DDX55: variants seen among roughly 807,000 people sequenced by gnomAD.
DDX55 encodes the protein ATP-dependent RNA helicase DDX55.
A neutral mutation model predicts 69.2 loss-of-function variants in DDX55; 56 were observed. The ratio of observed to expected loss-of-function variants is 0.81; its 90% confidence interval spans 0.65 to 1.01. The LOEUF is 1.01. DDX55 is among the 50% of genes least tolerant of loss of function. The pLI, the probability that DDX55 is intolerant of heterozygous loss-of-function variation, is 0.00. For synonymous variants in DDX55, 268 were observed against 273.1 expected (o/e 0.98, Z 0.18); for missense variants, 720 against 745.1 (o/e 0.97, Z 0.39).
At chr12:123,618,383 C>T (rs1431256886) in intron 11 of DDX55, 3 of 771,644 alleles carry the variant, frequency 3.9e-6, no homozygotes, top group East Asian at 7.1e-5. Flanking sequence ...TGGTAGCATG[C>T]CCTGCTGGGA....
Position 123,607,676 on chromosome 12 carries a change from T to C in DDX55, c.401+14T>C, listed in dbSNP as rs1215681455. ...TAAGCAACAAGGGTGAGTTTGCTCG[T>C]GTCTGCTTGTTTCTTTGCTTGCTTT... is the stretch of plus-strand genomic sequence containing the variant. On this transcript the variant is annotated intron_variant, in intron 5 of 13. Coordinates refer to ENST00000238146, the MANE Select transcript of DDX55 (RefSeq NM_020936.3). 6.2e-7 allele frequency: 1 copy of C among 1,614,132 alleles called. No individual in the cohort carries two copies. The highest frequency in any genetic ancestry group is 1.7e-5 in the Admixed American group (1 of 59,994).
At chr12:123,605,320 G>A in intron 1 of DDX55, 1 of 163,880 alleles carries the variant, frequency 6.1e-6, no homozygotes, top group Non-Finnish European at 1.4e-5. Context: ...ACCACGCCTG[G>A]CCCACCCTGG....
At chr12:123,615,450 A>C in intron 9 of DDX55, 134 bp downstream of exon 9, 2 of 1,286,738 alleles carry the variant, frequency 1.6e-6, no homozygotes. Flanking sequence ...TCCCTCTCTA[A>C]TCTGGTTATC....
At position 123,615,291 on chromosome 12, in the gene DDX55, T is replaced by A; in HGVS notation, c.931T>A (p.Phe311Ile). The A allele has an allele frequency of 6.2e-7, 1 of 1,613,990 alleles. No homozygotes were observed. Residue 311 changes from phenylalanine to isoleucine, a missense_variant, in exon 9 of 14, where the codon TTC (phenylalanine) becomes ATC (isoleucine). Coordinates refer to ENST00000238146, the MANE Select transcript of DDX55 (RefSeq NM_020936.3). ...GATGAAATATAAACGCAATAAGATC[T>A]TCATGGAGTTCCGCAAATTGCAAAG... ...GKMKYKRNKI[F>I]MEFRKLQSGI... is the part of the protein sequence containing the mutation.
intron 7 of DDX55, among the ~76,000 whole-genome samples, chr12:123,610,970 G>A (rs576160358): frequency 2.7e-5 from 4 of 150,504 alleles, no homozygotes; most frequent in Non-Finnish European, 4.4e-5. Context: ...GCACGATCTC[G>A]GCTCACTGCA....
In DDX55 at chr12:123,619,672, A is replaced by G; in HGVS notation, c.1574A>G (p.Lys525Arg). ...FIKNKAWSKQKAKKEKKKKMN... is the reference protein window; with the variant it reads ...FIKNKAWSKQRAKKEKKKKMN... Reference sequence around the variant, plus strand: ...AAAAATAAAGCTTGGTCAAAGCAGAAGGCCAAAAAAGAAAAGAAGAAAAAA... The same window carrying G: ...AAAAATAAAGCTTGGTCAAAGCAGAGGGCCAAAAAAGAAAAGAAGAAAAAA... Residue 525 changes from lysine (K) to arginine (R), a missense_variant, in exon 13 of 14, where the codon AAG becomes AGG. Physicochemically the swap from Lys to Arg is conservative, Grantham distance 26. Transcript: ENST00000238146. The G allele has an allele frequency of 6.3e-7, 1 of 1,583,640 alleles. No homozygotes were observed. The highest frequency in any genetic ancestry group is 1.2e-5 in the South Asian group (1 of 84,136).
Position 123,618,677 on chromosome 12 carries a change from G to C in DDX55, c.1173G>C (p.Leu391=). 6.2e-7 allele frequency: 1 copy of C among 1,613,924 alleles called. No individual in the cohort carries two copies. Among genetic ancestry groups the C allele is most frequent in the East Asian group, 2.2e-5 (1 of 44,870 alleles). Residue 391 remains leucine, a synonymous_variant, in exon 12 of 14, where the codon CTG becomes CTC. Coordinates refer to ENST00000238146, the MANE Select transcript of DDX55 (RefSeq NM_020936.3). ...NFLAINQKCP[L]QEMKPQRNTA... Reference sequence around the variant, plus strand: ...TATGTGTGTGTGTGTAGTGCCCCCTGCAGGAGATGAAGCCCCAGAGAAACA... The same window carrying C: ...TATGTGTGTGTGTGTAGTGCCCCCTCCAGGAGATGAAGCCCCAGAGAAACA...
chr12:123,619,875 A>G (rs1955015906), intron 13 of DDX55, 89 bp from the exon 14 acceptor site: 2 of 1,528,110 alleles, frequency 1.3e-6, no homozygotes, highest in Admixed American at 4.4e-5. Context: ...CCAATCTGAG[A>G]GCTTATAGTT....
chr12:123,602,363 C>T (rs1279940249), intron 1 of DDX55, 107 bp downstream of exon 1: 1 of 1,062,708 alleles, frequency 9.4e-7, no homozygotes, highest in East Asian at 3.0e-5. Flanking sequence ...GGGCGCTCAT[C>T]CCTCCAGCTG....
At chr12:123,617,408 G>A (rs563760604) in intron 10 of DDX55, among the ~76,000 whole-genome samples, 6 of 152,178 alleles carry the variant, frequency 3.9e-5, no homozygotes, top group African/African-American at 1.2e-4. Flanking sequence ...ACCCCCAAGT[G>A]TTGATGATTA....
In DDX55 at chr12:123,617,766, T is replaced by C; in HGVS notation, c.1058T>C (p.Val353Ala). 6.2e-7 allele frequency: 1 copy of C among 1,612,148 alleles called. No individual in the cohort carries two copies. Among genetic ancestry groups the C allele is most frequent in the South Asian group, 1.1e-5 (1 of 90,946 alleles). ...ACCCTGTGTTCTCACAGTGCCTTCG[T>C]GCATCGCTGCGGTCGCACAGCTCGC... ...YDPPSNASAF[V>A]HRCGRTARIG... is the part of the protein sequence containing the mutation. Residue 353 changes from valine (V) to alanine (A), a missense_variant, in exon 11 of 14, where the codon GTG becomes GCG. By Grantham distance (64) the Val-to-Ala change is moderately conservative. Coordinates refer to ENST00000238146, the MANE Select transcript of DDX55 (RefSeq NM_020936.3).
chr12:123,615,842 C>T (rs572528946), intron 9 of DDX55, among the ~76,000 whole-genome samples: 20 of 152,252 alleles, frequency 1.3e-4, no homozygotes, highest in African/African-American at 4.3e-4. Context: ...ATTAGTCGGG[C>T]ATGGTGGCTG....
chr12:123,615,438 C>G, intron 9 of DDX55, 122 bp downstream of exon 9: 1 of 1,370,822 alleles, frequency 7.3e-7, no homozygotes, highest in Non-Finnish European at 9.9e-7. Flanking sequence ...CTGGAACCCT[C>G]TTCCCTCTCT....
chr12:123,609,950 T>C lies in DDX55; in HGVS notation c.563T>C (p.Ile188Thr). The C allele has an allele frequency of 1.2e-6, 2 of 1,613,726 alleles. No individual in the cohort carries two copies. Among genetic ancestry groups the C allele is most frequent in the South Asian group, 1.1e-5 (1 of 91,030 alleles). ...DMGFEASINT[I>T]LEFLPKQRRT... ...CCTCTTTTTATCAGCATCAACACCA[T>C]TCTGGAGTTTTTGCCAAAGCAGAGG... The change falls in exon 7 of 14, where the codon ATT becomes ACT. Residue 188 changes from isoleucine to threonine, a missense_variant. By Grantham distance (89) the Ile-to-Thr change is moderately conservative (BLOSUM62 -1). Transcript: ENST00000238146.
At chr12:123,608,968 T>G (rs1456727521) in intron 6 of DDX55, 139 bp downstream of exon 6, 1 of 899,722 alleles carries the variant, frequency 1.1e-6, no homozygotes, top group Non-Finnish European at 1.5e-6. Flanking sequence ...TTTATTTGTT[T>G]ATTAGAGACA....
intron 11 of DDX55, 99 bp from the exon 12 acceptor site, chr12:123,618,570 G>C: frequency 6.4e-7 from 1 of 1,552,700 alleles, no homozygotes; most frequent in Non-Finnish European, 8.7e-7. Context: ...CAGTTGAAAA[G>C]GAATTGTTTC....
chr12:123,608,547 A>T, intron 5 of DDX55, 133 bp from the exon 6 acceptor site: 1 of 1,065,694 alleles, frequency 9.4e-7, no homozygotes, highest in Non-Finnish European at 1.4e-6. Context: ...GCACTCTTCT[A>T]CTCTCATGCT....
chr12:123,602,185 C>T lies in DDX55; in HGVS notation c.37C>T (p.Pro13Ser). The T allele has an allele frequency of 1.9e-6, 3 of 1,568,900 alleles. No individual in the cohort carries two copies. The highest frequency in any genetic ancestry group is 2.6e-6 in the Non-Finnish European group (3 of 1,159,106). ...HVTEGSWESL[P>S]VPLHPQVLGA... ...GACAGAGGGCTCCTGGGAGTCGCTG[C>T]CTGTGCCGCTGCACCCGCAGGTGCT... Residue 13 changes from proline (P) to serine (S), a missense_variant, in exon 1 of 14, where the codon CCT becomes TCT. By Grantham distance (74) the Pro-to-Ser change is moderately conservative (BLOSUM62 -1). Transcript: ENST00000238146.
intron 1 of DDX55, 60 bp downstream of exon 1, chr12:123,602,316 G>C: frequency 5.6e-6 from 8 of 1,433,064 alleles, no homozygotes; most frequent in Non-Finnish European, 7.5e-6. Flanking sequence ...CCGCTGCATC[G>C]GACCCACAGG....
Sources: gnomAD v4.1 joint callset for allele counts (sites outside exome capture counted in the v4.1 genomes callset) on GRCh38, gnomAD v4.1.1 for gene constraint, MANE v1.5 for transcripts, NCBI Gene and HGNC (gene_info 2026-07-23, HGNC 2026-07-21) for gene names.